Variants in GAB2 observed in about 807,000 individuals in gnomAD.
GAB2 encodes the protein GRB2-associated-binding protein 2.
GAB2 carries 26 observed loss-of-function variants against 65.5 expected under a neutral mutation model. The observed-to-expected ratio is 0.40, with a 90% CI of 0.29 to 0.55. The LOEUF is 0.55. Ranked by LOEUF, GAB2 falls within the 20% of genes least tolerant of loss-of-function variation. The pLI, the probability that GAB2 is intolerant of heterozygous loss-of-function variation, is 0.53. For missense variants in GAB2, 884 were observed against 875.8 expected (o/e 1.01, Z -0.12); for synonymous variants, 321 against 329.6 (o/e 0.97, Z 0.28).
intron 1 of GAB2, 119 bp from the exon 2 acceptor site, chr11:78,281,020 CA>C: frequency 1.3e-6 from 1 of 758,640 alleles, no homozygotes; most frequent in Admixed American, 2.6e-5. Flanking sequence ...GTGGCACAAT[CA>C]AAGCTCACTG....
chr11:78,310,108 A>G (rs563258777), intron 1 of GAB2, among the ~76,000 whole-genome samples: 1 of 152,046 alleles, frequency 6.6e-6, no homozygotes, highest in East Asian at 1.9e-4. Flanking sequence ...CTCGCATAAC[A>G]AAGAATTGTC....
At chr11:78,278,934 T>C (rs1242907932) in intron 2 of GAB2, among the ~76,000 whole-genome samples, 1 of 152,146 alleles carries the variant, frequency 6.6e-6, no homozygotes, top group Admixed American at 6.5e-5. Flanking sequence ...CATGATTGTG[T>C]CACTGCACTC....
intron 3 of GAB2, among the ~76,000 whole-genome samples, chr11:78,227,631 C>CAAAAAAAAA (rs55716895): frequency 9.4e-4 from 100 of 106,040 alleles, no homozygotes; most frequent in African/African-American, 2.1e-3. Flanking sequence ...CCATTGCCAC[C>CAAAAAAAAA]AAAAAAAAAA....
In GAB2 at chr11:78,322,298, C is replaced by CAAAAA. The variant is rs56709163; in HGVS notation, c.76-41402_76-41398dup. Among the ~76,000 whole-genome samples the CAAAAA allele has an allele frequency of 1.2e-3, 14 of 12,080 alleles. 1 individual carries two copies. Among genetic ancestry groups the CAAAAA allele is most frequent in the African/African-American group, 1.4e-3 (7 of 4,966 alleles). The allele number at this position is 12,080 out of a possible 152,430, so 7.9% of individuals were successfully genotyped here. On this transcript the variant is annotated intron_variant, in intron 1 of 9. Coordinates refer to ENST00000361507, the MANE Select transcript of GAB2 (RefSeq NM_080491.3). ...TGGCTGACAGAGGGAGACTCTGTCTCAAAAAAAAAAAAAAAAAAAAAAAAA... is the reference window on the plus strand; with the variant it reads ...TGGCTGACAGAGGGAGACTCTGTCTCAAAAAAAAAAAAAAAAAAAAAAAAAAAAAA...
chr11:78,315,089 GA>G (rs1460320275), intron 1 of GAB2, among the ~76,000 whole-genome samples: 2 of 152,210 alleles, frequency 1.3e-5, no homozygotes, highest in Non-Finnish European at 2.9e-5. Context: ...ACAGCAAACT[GA>G]AGGAGCTAAT....
intron 1 of GAB2, among the ~76,000 whole-genome samples, chr11:78,342,710 C>T (rs928942288): frequency 6.6e-6 from 1 of 152,124 alleles, no homozygotes; most frequent in Non-Finnish European, 1.5e-5. Flanking sequence ...GCCTGGCCTG[C>T]ACTTCTTGTT....
At chr11:78,300,695 G>GTTTTT (rs769243672) in intron 1 of GAB2, among the ~76,000 whole-genome samples, 9 of 113,248 alleles carry the variant, frequency 7.9e-5, no homozygotes, top group Admixed American at 1.0e-4. Flanking sequence ...GTTTTTTTTT[G>GTTTTT]TTTTTTTTTT....
intron 2 of GAB2, among the ~76,000 whole-genome samples, chr11:78,277,550 C>A (rs999852688): frequency 1.3e-5 from 2 of 152,222 alleles, no homozygotes; most frequent in Non-Finnish European, 2.9e-5. Context: ...CAAGCACGCA[C>A]ACTATGAGGC....
At chr11:78,262,113 G>T (rs963709496) in intron 2 of GAB2, among the ~76,000 whole-genome samples, 4 of 152,122 alleles carry the variant, frequency 2.6e-5, no homozygotes, top group African/African-American at 7.2e-5. Flanking sequence ...ACCTTAAACT[G>T]GTATAGTGTG....
intron 1 of GAB2, among the ~76,000 whole-genome samples, chr11:78,288,034 G>A (rs772164042): frequency 7.2e-6 from 1 of 139,076 alleles, no homozygotes; most frequent in Non-Finnish European, 1.5e-5. Context: ...ATACTGATTG[G>A]AAAGGAAGAA....
chr11:78,287,186 A>AT (rs1227649385), intron 1 of GAB2, among the ~76,000 whole-genome samples: 2 of 152,244 alleles, frequency 1.3e-5, no homozygotes, highest in African/African-American at 2.4e-5. Flanking sequence ...CTCATTCTTG[A>AT]TAAAAACTCT....
intron 1 of GAB2, among the ~76,000 whole-genome samples, chr11:78,376,262 T>C (rs748894631): frequency 6.6e-6 from 1 of 152,200 alleles, no homozygotes; most frequent in Non-Finnish European, 1.5e-5. Flanking sequence ...CTAAGCAAAG[T>C]CTGCCTGTTT....
chr11:78,322,888 G>A (rs533038014), intron 1 of GAB2, among the ~76,000 whole-genome samples: 3 of 151,564 alleles, frequency 2.0e-5, no homozygotes, highest in South Asian at 2.1e-4. Flanking sequence ...AAATTACTTC[G>A]GCCACTGTAG....
chr11:78,407,745 A>T (rs1857072264), intron 1 of GAB2, among the ~76,000 whole-genome samples: 1 of 151,662 alleles, frequency 6.6e-6, no homozygotes. Flanking sequence ...AAAGAAAGAA[A>T]GAAAAAGAAA....
chr11:78,380,449 C>T (rs1436424448), intron 1 of GAB2, among the ~76,000 whole-genome samples: 1 of 152,166 alleles, frequency 6.6e-6, no homozygotes, highest in Non-Finnish European at 1.5e-5. Flanking sequence ...CGTGATCCGC[C>T]TGCCTCGGCC....
Position 78,219,354 on chromosome 11 carries a change from T to G in GAB2, c.1949A>C (p.Lys650Thr). 6.2e-7 allele frequency: 1 copy of G among 1,613,876 alleles called. No homozygotes were observed. The highest frequency in any genetic ancestry group is 8.5e-7 in the Non-Finnish European group (1 of 1,179,828). ...KVDYVQVDKE[K>T]TQALQNTMQE... ...CATGGTGTTCTGCAGGGCCTGGGTC[T>G]TCTCCTTGTCCACCTGAACGTAGTC... The change falls in exon 10 of 10, where the codon AAG becomes ACG. Residue 650 changes from lysine (K) to threonine (T), a missense_variant. Lys to Thr is a moderately conservative substitution (Grantham distance 78). Transcript: ENST00000361507.
At chr11:78,412,691 A>T (rs1382300077) in intron 1 of GAB2, among the ~76,000 whole-genome samples, 1 of 152,204 alleles carries the variant, frequency 6.6e-6, no homozygotes, top group African/African-American at 2.4e-5. Context: ...ATTTCTTACA[A>T]CTAGATGTGC....
At chr11:78,374,960 G>A (rs560679544) in intron 1 of GAB2, among the ~76,000 whole-genome samples, 106 of 152,308 alleles carry the variant, frequency 7.0e-4, no homozygotes, top group Non-Finnish European at 1.4e-3. Flanking sequence ...AGCATGTAAC[G>A]AAAATTCTAT....
At chr11:78,372,227 T>G (rs1856581615) in intron 1 of GAB2, among the ~76,000 whole-genome samples, 1 of 152,100 alleles carries the variant, frequency 6.6e-6, no homozygotes, top group Non-Finnish European at 1.5e-5. Context: ...CACCTTAGCC[T>G]CTCTCTGAGC....
Sources: allele counts gnomAD v4.1 joint callset (sites outside exome capture counted in the v4.1 genomes callset), GRCh38; gene constraint gnomAD v4.1.1; transcripts MANE v1.5; gene names NCBI Gene and HGNC (gene_info 2026-07-23, HGNC 2026-07-21).